The following EDIL3 variants were observed in gnomAD, a reference collection of about 807,000 sequenced individuals.
The protein encoded by EDIL3 is EGF like and discoidin domains 3.
Under a neutral mutation model 67.4 loss-of-function variants are expected in EDIL3, and 37 were observed. That is an observed-to-expected ratio of 0.55 (90% CI 0.42 to 0.72). The LOEUF (loss-of-function observed/expected upper bound fraction) is 0.72. EDIL3 is among the 30% of genes least tolerant of loss of function. The pLI is 0.00. For synonymous variants in EDIL3, 195 were observed against 196.3 expected (o/e 0.99, Z 0.05); for missense variants, 527 against 586.3 (o/e 0.90, Z 1.04).
chr5:84,190,298 TC>T (rs1743553098), intron 3 of EDIL3, among the ~76,000 whole-genome samples: 1 of 151,934 alleles, frequency 6.6e-6, no homozygotes. Context: ...TCTTTTTAGA[TC>T]AGGGAGCTAT....
chr5:84,244,796 C>G (rs772041570), intron 2 of EDIL3, among the ~76,000 whole-genome samples: 2 of 152,132 alleles, frequency 1.3e-5, no homozygotes, highest in African/African-American at 4.8e-5. Flanking sequence ...CCTACCAGTC[C>G]GTGGCCTGTT....
chr5:84,367,506 G>A (rs1747763307), intron 1 of EDIL3, among the ~76,000 whole-genome samples: 2 of 152,162 alleles, frequency 1.3e-5, no homozygotes, highest in Admixed American at 6.5e-5. Context: ...TCTGAGCTAG[G>A]AGCGGTGGCT....
chr5:84,300,104 G>T (rs1215298505), intron 1 of EDIL3, among the ~76,000 whole-genome samples: 2 of 152,182 alleles, frequency 1.3e-5, no homozygotes, highest in African/African-American at 4.8e-5. Context: ...GTACTCACTG[G>T]ATTAATATCA....
chr5:83,968,311 A>G (rs1410781386), intron 9 of EDIL3, among the ~76,000 whole-genome samples: 1 of 152,106 alleles, frequency 6.6e-6, no homozygotes, highest in African/African-American at 2.4e-5. Context: ...TTAAGGCCAG[A>G]TAACATAAGC....
chr5:84,037,942 A>G (rs958606059), intron 9 of EDIL3, among the ~76,000 whole-genome samples: 1 of 151,898 alleles, frequency 6.6e-6, no homozygotes, highest in Non-Finnish European at 1.5e-5. Flanking sequence ...GTGAGCTTAG[A>G]AACAGCAAAA....
chr5:83,978,672 A>C (rs1314352753), intron 9 of EDIL3, among the ~76,000 whole-genome samples: 1 of 152,016 alleles, frequency 6.6e-6, no homozygotes, highest in Non-Finnish European at 1.5e-5. Context: ...ATCATAACAA[A>C]ACAAAGACAG....
At chr5:84,289,619 A>G (rs537708616) in intron 1 of EDIL3, among the ~76,000 whole-genome samples, 6 of 152,242 alleles carry the variant, frequency 3.9e-5, no homozygotes, top group African/African-American at 1.4e-4. Context: ...TCTAGTGGGT[A>G]TTCCTTGGTC....
At chr5:84,198,257 C>A (rs1030751390) in intron 3 of EDIL3, among the ~76,000 whole-genome samples, 18 of 149,762 alleles carry the variant, frequency 1.2e-4, no homozygotes, top group South Asian at 2.1e-4. Flanking sequence ...AAAAAAAAAA[C>A]CATGCAAATG....
chr5:84,133,447 C>G (rs1248278794), intron 5 of EDIL3, among the ~76,000 whole-genome samples: 3 of 140,016 alleles, frequency 2.1e-5, no homozygotes, highest in Non-Finnish European at 4.6e-5. Flanking sequence ...GCTGAAACCC[C>G]ATCTCTACTA....
intron 9 of EDIL3, among the ~76,000 whole-genome samples, chr5:84,003,996 A>G (rs1745373854): frequency 6.7e-6 from 1 of 150,290 alleles, no homozygotes; most frequent in South Asian, 2.2e-4. Context: ...TCAAGCAAAA[A>G]GAAAAAAAAA....
chr5:84,081,433 C>T (rs958034626), intron 6 of EDIL3, among the ~76,000 whole-genome samples: 15 of 152,058 alleles, frequency 9.9e-5, no homozygotes, highest in South Asian at 6.2e-4. Flanking sequence ...AAAGAGCAAA[C>T]GATGTCAGCA....
intron 3 of EDIL3, among the ~76,000 whole-genome samples, chr5:84,195,051 C>T (rs1296305342): frequency 1.3e-5 from 2 of 151,866 alleles, no homozygotes; most frequent in East Asian, 1.9e-4. Context: ...TTAATATTTA[C>T]AGTGTTTTCA....
At chr5:84,355,728 G>A (rs931705546) in intron 1 of EDIL3, among the ~76,000 whole-genome samples, 1 of 152,118 alleles carries the variant, frequency 6.6e-6, no homozygotes, top group Admixed American at 6.5e-5. Context: ...GTCGACCCCT[G>A]CCAGGAGGTG....
intron 2 of EDIL3, among the ~76,000 whole-genome samples, chr5:84,240,683 A>G (rs1448907360): frequency 2.0e-5 from 3 of 152,138 alleles, no homozygotes. Flanking sequence ...CCACCGGTCC[A>G]TGGAAAAAAT....
chr5:84,286,702 A>G (rs948250099), intron 1 of EDIL3, among the ~76,000 whole-genome samples: 1 of 152,196 alleles, frequency 6.6e-6, no homozygotes, highest in African/African-American at 2.4e-5. Context: ...AGAATAATGC[A>G]GGGTTTATTT....
intron 6 of EDIL3, among the ~76,000 whole-genome samples, chr5:84,072,661 G>C (rs1394992310): frequency 6.6e-6 from 1 of 152,058 alleles, no homozygotes. Context: ...TTGGCAAAAA[G>C]TTATTCCCTA....
intron 3 of EDIL3, among the ~76,000 whole-genome samples, chr5:84,197,350 C>A (rs1370749072): frequency 6.6e-6 from 1 of 151,862 alleles, no homozygotes; most frequent in East Asian, 1.9e-4. Context: ...TTGAGGTTTA[C>A]AGAACAAATA....
intron 1 of EDIL3, among the ~76,000 whole-genome samples, chr5:84,372,485 A>T (rs920981478): frequency 6.6e-6 from 1 of 152,132 alleles, no homozygotes; most frequent in Non-Finnish European, 1.5e-5. Context: ...GACATATTCG[A>T]CATTCCTAGT....
chr5:84,288,448 T>G (rs1184429978), intron 1 of EDIL3, among the ~76,000 whole-genome samples: 1 of 152,160 alleles, frequency 6.6e-6, no homozygotes, highest in Non-Finnish European at 1.5e-5. Flanking sequence ...TTGGTTAAAA[T>G]TCTCATTGTG....
Sources: gnomAD v4.1 joint callset for allele counts (sites outside exome capture counted in the v4.1 genomes callset) on GRCh38, gnomAD v4.1.1 for gene constraint, MANE v1.5 for transcripts, NCBI Gene and HGNC (gene_info 2026-07-23, HGNC 2026-07-21) for gene names.